CAMTA1: variants seen among roughly 807,000 people sequenced by gnomAD.
CAMTA1 encodes the protein calmodulin-binding transcription activator 1.
CAMTA1 carries 27 observed loss-of-function variants against 170.9 expected under a neutral mutation model. That is an observed-to-expected ratio of 0.16 (90% CI 0.12 to 0.22). CAMTA1 has a LOEUF of 0.22. CAMTA1 is among the 10% of genes least tolerant of loss of function. CAMTA1 has a pLI of 1.00. For synonymous variants in CAMTA1, 833 were observed against 891.5 expected (o/e 0.93, Z 1.17); for missense variants, 1,619 against 2,217.2 (o/e 0.73, Z 5.42).
rs1576570896 is a variant in CAMTA1, at chr1:7,645,621, G to A, written c.664+5068G>A. Reference sequence around the variant, plus strand: ...CCTAGGCCTTCCTGCAGGCTTCGAAGGCCCGGAAATCAGCAGGCAGCTCCC... The same window carrying A: ...CCTAGGCCTTCCTGCAGGCTTCGAAAGCCCGGAAATCAGCAGGCAGCTCCC... On this transcript the variant is annotated intron_variant, in intron 7 of 22. Coordinates refer to ENST00000303635, the MANE Select transcript of CAMTA1 (RefSeq NM_015215.4). 2.6e-5 allele frequency among the ~76,000 whole-genome samples: 4 copies of A among 152,246 alleles called. No homozygotes were observed. The South Asian group carries it at 6.2e-4, about 24-fold the overall frequency.
intron 11 of CAMTA1, among the ~76,000 whole-genome samples, chr1:7,727,084 C>T (rs187595463): frequency 9.2e-5 from 14 of 152,012 alleles, no homozygotes; most frequent in Middle Eastern, 3.4e-3. Flanking sequence ...CCTAAATCTA[C>T]GCATTATTCC....
chr1:6,819,299 A>AT (rs1425766390), intron 1 of CAMTA1, among the ~76,000 whole-genome samples: 1 of 134,810 alleles, frequency 7.4e-6, no homozygotes, highest in Non-Finnish European at 1.6e-5. Context: ...TATTCAAAAA[A>AT]TTTTCTTTTT....
chr1:7,338,904 G>A (rs1574784947), intron 5 of CAMTA1, among the ~76,000 whole-genome samples: 2 of 152,218 alleles, frequency 1.3e-5, no homozygotes, highest in East Asian at 3.8e-4. Flanking sequence ...TGTACAGGAA[G>A]CATGGCTGGA....
chr1:6,804,595 A>G (rs1644293527), intron 1 of CAMTA1, among the ~76,000 whole-genome samples: 1 of 152,154 alleles, frequency 6.6e-6, no homozygotes, highest in Admixed American at 6.5e-5. Context: ...TATAAATAGA[A>G]TCATGTAGTG....
intron 4 of CAMTA1, among the ~76,000 whole-genome samples, chr1:7,097,338 A>C (rs1642200366): frequency 6.6e-6 from 1 of 152,234 alleles, no homozygotes; most frequent in Non-Finnish European, 1.5e-5. Context: ...ATTGCACAGC[A>C]GCAAGTTTGC....
intron 4 of CAMTA1, among the ~76,000 whole-genome samples, chr1:7,130,170 A>T (rs1645169097): frequency 6.6e-6 from 1 of 152,162 alleles, no homozygotes; most frequent in African/African-American, 2.4e-5. Context: ...AACTCCTGAC[A>T]TCAAGTGATC....
chr1:7,557,264 C>T (rs893805810), intron 6 of CAMTA1, among the ~76,000 whole-genome samples: 7 of 151,156 alleles, frequency 4.6e-5, no homozygotes, highest in East Asian at 2.0e-4. Context: ...GCTGAGATCA[C>T]GCCACTGCAC....
intron 4 of CAMTA1, among the ~76,000 whole-genome samples, chr1:7,182,506 A>C (rs1652406956): frequency 6.9e-6 from 1 of 144,570 alleles, no homozygotes; most frequent in Non-Finnish European, 1.6e-5. Context: ...GAAAAAAAAA[A>C]AAAAAAACAC....
chr1:6,869,021 C>T (rs978456064), intron 3 of CAMTA1, among the ~76,000 whole-genome samples: 6 of 152,174 alleles, frequency 3.9e-5, no homozygotes, highest in African/African-American at 1.4e-4. Context: ...GACTAGCTTT[C>T]TGTACTCTTT....
chr1:6,832,531 T>C (rs190921259), intron 3 of CAMTA1, among the ~76,000 whole-genome samples: 8 of 152,346 alleles, frequency 5.3e-5, no homozygotes, highest in Admixed American at 5.2e-4. Flanking sequence ...TGTATTTATA[T>C]GTTATCTCTT....
chr1:7,117,228 C>T (rs999775981), intron 4 of CAMTA1, among the ~76,000 whole-genome samples: 8 of 152,230 alleles, frequency 5.3e-5, no homozygotes, highest in Non-Finnish European at 8.8e-5. Flanking sequence ...GCCTCAGCCT[C>T]CCAAAGTGCC....
In CAMTA1 at chr1:7,732,400, G is replaced by A. The variant is rs748497436; in HGVS notation, c.2915-48G>A. Reference sequence around the variant, plus strand: ...AGGCTGGCGAGGCCACGTGTTGACTGCTTTTCTTCCAGAACACAACCTCAC... The same window carrying A: ...AGGCTGGCGAGGCCACGTGTTGACTACTTTTCTTCCAGAACACAACCTCAC... On this transcript the variant is annotated intron_variant, in intron 11 of 22. Transcript: ENST00000303635. The surrounding 1 kb of genome is among the most constrained non-coding windows in gnomAD (Gnocchi z 4.1). 1.9e-6 allele frequency: 3 copies of A among 1,575,350 alleles called. No homozygotes were observed. In the Admixed American group the frequency reaches 5.0e-5, roughly 26 times the overall value.
intron 18 of CAMTA1, 43 bp from the exon 19 acceptor site, chr1:7,747,667 G>C: frequency 1.4e-6 from 2 of 1,389,904 alleles, no homozygotes; most frequent in Non-Finnish European, 2.0e-6. Context: ...ATTTCTGGTA[G>C]TTAATCATTA....
At chr1:7,051,402 A>G (rs1190771627) in intron 3 of CAMTA1, among the ~76,000 whole-genome samples, 1 of 152,184 alleles carries the variant, frequency 6.6e-6, no homozygotes, top group Non-Finnish European at 1.5e-5. Flanking sequence ...CCAGGCAGAC[A>G]CTTCCAGACC....
In CAMTA1 at chr1:7,674,866, C is replaced by T. The variant is rs2096098536; in HGVS notation, c.2780-2733C>T. Among the ~76,000 whole-genome samples the T allele has an allele frequency of 6.6e-6, 1 of 152,152 alleles. No homozygotes were observed. Among genetic ancestry groups the T allele is most frequent in the Admixed American group, 6.5e-5 (1 of 15,270 alleles). On this transcript the variant is annotated intron_variant, in intron 10 of 22. Transcript: ENST00000303635. This position sits in a 1 kb window ranked among gnomAD's most constrained non-coding sequence, Gnocchi z 4.1. The stretch of plus-strand genomic sequence containing the variant: ...TTCATTCAACAAATAGTTACTGAGC[C>T]GCCATAACATCCTGGGCACTGACCT...
chr1:6,848,353 A>G (rs1659102320), intron 3 of CAMTA1, among the ~76,000 whole-genome samples: 1 of 152,124 alleles, frequency 6.6e-6, no homozygotes, highest in Non-Finnish European at 1.5e-5. Flanking sequence ...GAGTCTCCCT[A>G]CATTTCCCCG....
chr1:7,173,051 G>A lies in CAMTA1; in HGVS notation c.303-76440G>A, dbSNP rs946263916. ...GAGCGTGGCTGGGGACAGGCTGTGCGGGAGGCGCAGGGGTGAGGCTCCGAA... is the reference window on the plus strand; with the variant it reads ...GAGCGTGGCTGGGGACAGGCTGTGCAGGAGGCGCAGGGGTGAGGCTCCGAA... On this transcript the variant is annotated intron_variant, in intron 4 of 22. Coordinates refer to ENST00000303635, the MANE Select transcript of CAMTA1 (RefSeq NM_015215.4). The surrounding 1 kb of genome is among the most constrained non-coding windows in gnomAD (Gnocchi z 5.4). Among the ~76,000 whole-genome samples, 2 of 152,206 alleles carry A rather than the reference G, an allele frequency of 1.3e-5. No individual in the cohort carries two copies. Among genetic ancestry groups the A allele is most frequent in the African/African-American group, 2.4e-5 (1 of 41,450 alleles).
intron 5 of CAMTA1, among the ~76,000 whole-genome samples, chr1:7,307,636 C>G (rs990315487): frequency 6.6e-6 from 1 of 151,928 alleles, no homozygotes; most frequent in Non-Finnish European, 1.5e-5. Flanking sequence ...TCTTTAGATT[C>G]TTAACATGGT....
intron 10 of CAMTA1, among the ~76,000 whole-genome samples, chr1:7,676,235 C>T (rs942185353): frequency 1.3e-5 from 2 of 152,212 alleles, no homozygotes; most frequent in African/African-American, 2.4e-5. Flanking sequence ...TGGACTTGGC[C>T]GGGGCTCCCT....
Sources: allele counts gnomAD v4.1 joint callset (sites outside exome capture counted in the v4.1 genomes callset), GRCh38; gene constraint gnomAD v4.1.1; non-coding constraint Gnocchi (gnomAD v3.1); transcripts MANE v1.5; gene names NCBI Gene and HGNC (gene_info 2026-07-23, HGNC 2026-07-21).